Variants in ITGB1BP1 observed in about 807,000 individuals in gnomAD.
ITGB1BP1 encodes the protein integrin beta-1-binding protein 1.
A neutral mutation model predicts 28.0 loss-of-function variants in ITGB1BP1; 20 were observed. The observed-to-expected ratio is 0.71, with a 90% CI of 0.50 to 1.04. ITGB1BP1 has a LOEUF of 1.04. Ranked by LOEUF, ITGB1BP1 falls within the 50% of genes least tolerant of loss-of-function variation. The probability of loss-of-function intolerance (pLI) is 0.00; values close to 1 mark genes in which losing one functional copy is unlikely to be tolerated. For missense variants in ITGB1BP1, 228 were observed against 242.5 expected, an observed-to-expected ratio of 0.94 and a Z score of 0.40; for synonymous variants, 103 against 89.5, an observed-to-expected ratio of 1.15 and a Z score of -0.85.
chr2:9,408,658 C>T (rs1021662652), intron 4 of ITGB1BP1, among the ~76,000 whole-genome samples: 2 of 151,972 alleles, frequency 1.3e-5, no homozygotes, highest in East Asian at 3.9e-4. Flanking sequence ...ATTTTTAAAT[C>T]GAGGTGGGAT....
At chr2:9,422,884 G>A (rs1397218756) in intron 1 of ITGB1BP1, 32 of 986,110 alleles carry the variant, frequency 3.2e-5, no homozygotes, top group Admixed American at 6.1e-5. Flanking sequence ...AGGGTCACCA[G>A]AGTAAGGACG....
chr2:9,421,633 G>A (rs998493660), intron 1 of ITGB1BP1, among the ~76,000 whole-genome samples: 3 of 150,446 alleles, frequency 2.0e-5, no homozygotes, highest in Non-Finnish European at 4.4e-5. Flanking sequence ...CTTGCAGTGA[G>A]CCGAGATCGC....
rs748377124 is a variant in ITGB1BP1, at chr2:9,405,558, C to T, written c.*1276G>A. ...AGCACAACTGTATATATTGTATAACCGAAATTGATTATTTTCATTGTCCTT... is the reference window on the plus strand; with the variant it reads ...AGCACAACTGTATATATTGTATAACTGAAATTGATTATTTTCATTGTCCTT... On this transcript the variant is annotated 3_prime_UTR_variant, in exon 7 of 7. Coordinates refer to ENST00000355346, the MANE Select transcript of ITGB1BP1 (RefSeq NM_004763.5). 7.9e-5 allele frequency: 12 copies of T among 152,436 alleles called. 1 individual carries two copies. The highest frequency in any genetic ancestry group is 5.8e-4 in the East Asian group (3 of 5,190). 9.4% of individuals were successfully genotyped at this position (152,436 alleles called of 1,614,324 possible). A position where few individuals can be genotyped will look rare whatever the true frequency, so the allele number is the denominator to read the frequency against.
In ITGB1BP1 at chr2:9,418,746, T is replaced by A; in HGVS notation, c.-35-14A>T. The A allele has an allele frequency of 1.3e-6, 2 of 1,564,476 alleles. No individual in the cohort carries two copies. ...AGAGAAGATCCCCTGAAAAAACAAA[T>A]ATTGGTAACAGTTACATCGGGAAAA... On this transcript the variant is annotated splice_polypyrimidine_tract_variant and intron_variant, in intron 1 of 6. Transcript: ENST00000355346.
At position 9,405,251 on chromosome 2, in the gene ITGB1BP1, TCTTA is replaced by T. The variant is rs1460154362; in HGVS notation, c.*1579_*1582del. On this transcript the variant is annotated 3_prime_UTR_variant, in exon 7 of 7. Transcript: ENST00000355346. ...TATTAACGACCCTGCTAATATCCTT[TCTTA>T]GTTATTTGCTCCTTGCAAATTAAAA... The T allele has an allele frequency of 1.3e-5, 2 of 152,364 alleles. No homozygotes were observed. The highest frequency in any genetic ancestry group is 4.8e-5 in the African/African-American group (2 of 41,566). 9.4% of individuals were successfully genotyped at this position (152,364 alleles called of 1,614,324 possible). A position where few individuals can be genotyped will look rare whatever the true frequency, so the allele number is the denominator to read the frequency against.
chr2:9,409,695 G>A (rs1678047518), intron 4 of ITGB1BP1, among the ~76,000 whole-genome samples: 1 of 151,858 alleles, frequency 6.6e-6, no homozygotes, highest in African/African-American at 2.4e-5. Flanking sequence ...CTTGAAAAAC[G>A]AGTTACTTGG....
At chr2:9,411,637 C>T (rs371586196) in intron 4 of ITGB1BP1, among the ~76,000 whole-genome samples, 27 of 151,500 alleles carry the variant, frequency 1.8e-4, no homozygotes, top group African/African-American at 5.8e-4. Flanking sequence ...GCAGGAGAAT[C>T]GCTTAAACCC....
At chr2:9,407,305 A>C in intron 6 of ITGB1BP1, 144 bp downstream of exon 6, 2 of 892,518 alleles carry the variant, frequency 2.2e-6, no homozygotes, top group Non-Finnish European at 3.4e-6. Context: ...CAGCCGGCTG[A>C]CCTCCGGCCT....
intron 1 of ITGB1BP1, among the ~76,000 whole-genome samples, chr2:9,419,579 G>A (rs1448951218): frequency 6.6e-6 from 1 of 152,166 alleles, no homozygotes; most frequent in African/African-American, 2.4e-5. Flanking sequence ...CCCAGAGTCT[G>A]TGTTACATAT....
chr2:9,420,038 G>A (rs918551929), intron 1 of ITGB1BP1: 6 of 983,082 alleles, frequency 6.1e-6, no homozygotes, highest in African/African-American at 3.5e-5. Flanking sequence ...CACATACAGC[G>A]GTCTGCACAG....
At chr2:9,418,794 T>A (rs1679457432) in intron 1 of ITGB1BP1, 62 bp from the exon 2 acceptor site, 15 of 1,102,888 alleles carry the variant, frequency 1.4e-5, no homozygotes, top group East Asian at 2.5e-5. Flanking sequence ...TTTTTTTTTT[T>A]AAGAGACAGA....
intron 3 of ITGB1BP1, among the ~76,000 whole-genome samples, chr2:9,413,410 A>T (rs934011125): frequency 1.3e-5 from 2 of 151,902 alleles, no homozygotes; most frequent in Admixed American, 1.3e-4. Context: ...GCTCACTGCA[A>T]CCTCTGCCTC....
Position 9,415,350 on chromosome 2 carries a change from G to A in ITGB1BP1, c.73-1094C>T, listed in dbSNP as rs1678986523. Among the ~76,000 whole-genome samples, 1 of 152,130 alleles carries A rather than the reference G, an allele frequency of 6.6e-6. No homozygotes were observed. Among genetic ancestry groups the A allele is most frequent in the African/African-American group, 2.4e-5 (1 of 41,444 alleles). On this transcript the variant is annotated intron_variant, in intron 2 of 6. Coordinates refer to ENST00000355346, the MANE Select transcript of ITGB1BP1 (RefSeq NM_004763.5). This position sits in a 1 kb window ranked among gnomAD's most constrained non-coding sequence, Gnocchi z 4.1. ...GCCAAGATCACGCCACTGCACTCCA[G>A]CCTGGGCAACAAGAGTGAAACTCCA...
rs1677017865 is a variant in ITGB1BP1 at position 9,404,447 on chromosome 2, A to G, written c.*2387T>C. On this transcript the variant is annotated 3_prime_UTR_variant, in exon 7 of 7. Coordinates refer to ENST00000355346, the MANE Select transcript of ITGB1BP1 (RefSeq NM_004763.5). ...TCATTCTTAAGCTACTTGGGGTGGT[A>G]GTAGAGGATTAGGTTGTCTATTATA... 6.6e-6 allele frequency: 1 copy of G among 152,188 alleles called. No individual in the cohort carries two copies. The highest frequency in any genetic ancestry group is 1.5e-5 in the Non-Finnish European group (1 of 68,032). 9.4% of individuals were successfully genotyped at this position (152,188 alleles called of 1,614,324 possible). A position where few individuals can be genotyped will look rare whatever the true frequency, so the allele number is the denominator to read the frequency against.
intron 1 of ITGB1BP1, among the ~76,000 whole-genome samples, chr2:9,421,022 G>A (rs1679772287): frequency 3.3e-5 from 5 of 152,164 alleles, no homozygotes; most frequent in Admixed American, 3.3e-4. Flanking sequence ...AGGCCTGCAC[G>A]AAACTAGGTT....
chr2:9,409,841 C>CTTTT (rs1036594187), intron 4 of ITGB1BP1, among the ~76,000 whole-genome samples: 19 of 123,142 alleles, frequency 1.5e-4, no homozygotes, highest in Non-Finnish European at 2.5e-4. Context: ...ACCGTGAGTT[C>CTTTT]TTTTTTTTTT....
intron 3 of ITGB1BP1, among the ~76,000 whole-genome samples, 189 bp downstream of exon 3, chr2:9,413,989 T>C (rs1678794187): frequency 6.6e-6 from 1 of 152,162 alleles, no homozygotes; most frequent in Non-Finnish European, 1.5e-5. Flanking sequence ...CTATGTGGTT[T>C]CCCCCAATCA....
At chr2:9,419,454 AT>A (rs1203561735) in intron 1 of ITGB1BP1, among the ~76,000 whole-genome samples, 1 of 152,158 alleles carries the variant, frequency 6.6e-6, no homozygotes, top group Non-Finnish European at 1.5e-5. Flanking sequence ...AGAAATGTGC[AT>A]TTTTCTTGAA....
chr2:9,409,479 A>G (rs1267411560), intron 4 of ITGB1BP1, among the ~76,000 whole-genome samples: 1 of 152,212 alleles, frequency 6.6e-6, no homozygotes, highest in Non-Finnish European at 1.5e-5. Context: ...TAGTCCTTAT[A>G]GGAATGAAAA....
Sources: allele counts gnomAD v4.1 joint callset (sites outside exome capture counted in the v4.1 genomes callset), GRCh38; gene constraint gnomAD v4.1.1; non-coding constraint Gnocchi (gnomAD v3.1); transcripts MANE v1.5; gene names NCBI Gene and HGNC (gene_info 2026-07-23, HGNC 2026-07-21).